Variants in SH3BGRL2 observed in about 807,000 individuals in gnomAD.
SH3BGRL2 encodes SH3 domain-binding glutamic acid-rich-like protein 2.
A neutral mutation model predicts 14.8 loss-of-function variants in SH3BGRL2; 21 were observed. The ratio of observed to expected loss-of-function variants is 1.42; its 90% CI spans 1.01 to 2.05. The LOEUF is 2.05. SH3BGRL2 is among the 30% of genes most tolerant of loss of function. SH3BGRL2 has a pLI of 0.00. For missense variants in SH3BGRL2, 147 were observed against 130.8 expected, an observed-to-expected ratio of 1.12 and a Z score of -0.61; for synonymous variants, 50 against 47.8, an observed-to-expected ratio of 1.05 and a Z score of -0.19.
At chr6:79,608,191 A>T in the SH3BGRL2 span, among the ~76,000 whole-genome samples, 1 of 152,162 alleles carries the variant, frequency 6.6e-6, no homozygotes, top group African/African-American at 2.4e-5. Context: ...CCCATGATCC[A>T]ATCACCTCCT....
Position 79,671,806 on chromosome 6 carries a change from G to A in SH3BGRL2, c.46-1808G>A, listed in dbSNP as rs558602181. 2.6e-5 allele frequency among the ~76,000 whole-genome samples: 4 copies of A among 152,292 alleles called. No individual in the cohort carries two copies. In the South Asian group the frequency reaches 8.3e-4, roughly 32 times the overall value. On this transcript the variant is annotated intron_variant, in intron 1 of 3. Transcript: ENST00000369838. The stretch of plus-strand genomic sequence containing the variant: ...CCCCCGCCACCCTAGGGTGGGTGCT[G>A]TTAGTTCCAGGCCATGTTCACCTCT...
chr6:79,595,285 C>T, the SH3BGRL2 span, among the ~76,000 whole-genome samples: 4 of 149,930 alleles, frequency 2.7e-5, no homozygotes, highest in Non-Finnish European at 5.9e-5. Context: ...AGAGAAACAT[C>T]GTCTTAAAAA....
chr6:79,668,970 G>A (rs960627855), intron 1 of SH3BGRL2, among the ~76,000 whole-genome samples: 1 of 152,170 alleles, frequency 6.6e-6, no homozygotes, highest in Non-Finnish European at 1.5e-5. Context: ...GAGAAATACT[G>A]TCATTTGATC....
intron 1 of SH3BGRL2, among the ~76,000 whole-genome samples, chr6:79,648,189 A>G (rs1005204267): frequency 2.8e-5 from 4 of 141,510 alleles, no homozygotes; most frequent in African/African-American, 7.9e-5. Context: ...TTGGTCTGGC[A>G]TTTTGGGCCC....
chr6:79,614,677 AC>A, the SH3BGRL2 span, among the ~76,000 whole-genome samples: 1 of 152,104 alleles, frequency 6.6e-6, no homozygotes, highest in African/African-American at 2.4e-5. Flanking sequence ...TGAAGCCCTC[AC>A]CCCTAATTGC....
chr6:79,586,164 C>G, the SH3BGRL2 span, among the ~76,000 whole-genome samples: 1 of 150,186 alleles, frequency 6.7e-6, no homozygotes, highest in East Asian at 2.0e-4. Flanking sequence ...CCATTGCACT[C>G]CAGCCTGGGC....
the SH3BGRL2 span, among the ~76,000 whole-genome samples, chr6:79,616,154 T>C: frequency 2.6e-5 from 4 of 152,214 alleles, no homozygotes; most frequent in African/African-American, 9.6e-5. Context: ...TATTTTGTAA[T>C]AATGTGGGCT....
chr6:79,693,175 T>C (rs972719726), intron 2 of SH3BGRL2, among the ~76,000 whole-genome samples: 1 of 152,214 alleles, frequency 6.6e-6, no homozygotes, highest in African/African-American at 2.4e-5. Flanking sequence ...TATTGGCGTA[T>C]AGGAATGCTT....
intron 1 of SH3BGRL2, among the ~76,000 whole-genome samples, chr6:79,655,384 T>A (rs1414159622): frequency 6.7e-6 from 1 of 149,278 alleles, no homozygotes; most frequent in Non-Finnish European, 1.5e-5. Flanking sequence ...AAGCATTACT[T>A]GGGAACTTGT....
intron 2 of SH3BGRL2, among the ~76,000 whole-genome samples, chr6:79,676,633 GTGTGTGTA>G (rs1769888487): frequency 7.7e-6 from 1 of 129,978 alleles, no homozygotes; most frequent in African/African-American, 2.7e-5. Flanking sequence ...GTGTGTGTGT[GTGTGTGTA>G]TATATATATA....
chr6:79,627,869 C>T (rs962179814), upstream of SH3BGRL2, among the ~76,000 whole-genome samples: 3 of 152,046 alleles, frequency 2.0e-5, no homozygotes, highest in Admixed American at 6.6e-5. Context: ...TTGGATCTCC[C>T]CTCACCCCCA....
the SH3BGRL2 span, chr6:79,573,942 T>A: frequency 1.3e-5 from 2 of 152,228 alleles, no homozygotes; most frequent in East Asian, 3.9e-4. Context: ...GTGTATTTCC[T>A]CTTGAATTCT....
In SH3BGRL2 at chr6:79,702,388, C is replaced by T. The variant is rs1335961704; in HGVS notation, c.*2879C>T. ...ACAGCTTTTGTTAAGTGTCAGGCTG[C>T]ACTTTGCTCCATATAATTATTGTTT... is the stretch of plus-strand genomic sequence containing the variant. On this transcript the variant is annotated 3_prime_UTR_variant, in exon 4 of 4. Transcript: ENST00000369838. 6.6e-6 allele frequency: 1 copy of T among 152,576 alleles called. No individual in the cohort carries two copies. Among genetic ancestry groups the T allele is most frequent in the Admixed American group, 6.5e-5 (1 of 15,272 alleles). The allele number at this position is 152,576 out of a possible 1,614,324, so 9.5% of individuals were successfully genotyped here. A position where few individuals can be genotyped will look rare whatever the true frequency, so the allele number is the denominator to read the frequency against.
chr6:79,578,692 A>T, the SH3BGRL2 span, among the ~76,000 whole-genome samples: 1 of 152,222 alleles, frequency 6.6e-6, no homozygotes, highest in African/African-American at 2.4e-5. Flanking sequence ...AGAGATGGGG[A>T]GAAGCCAGAG....
rs530369914 is a variant in SH3BGRL2, at chr6:79,679,630, T to C, written c.231+5831T>C. Among the ~76,000 whole-genome samples, 7 of 152,320 alleles carry C rather than the reference T, an allele frequency of 4.6e-5. No homozygotes were observed. The East Asian group carries it at 1.3e-3, about 29-fold the overall frequency. ...GCTAAATAGTATGGTAGTTCTATTT[T>C]TAATTTTGGGGGGAACAGCCAAACT... is the stretch of plus-strand genomic sequence containing the variant. On this transcript the variant is annotated intron_variant, in intron 2 of 3. Coordinates refer to ENST00000369838, the MANE Select transcript of SH3BGRL2 (RefSeq NM_031469.4).
In SH3BGRL2 at chr6:79,691,969, C is replaced by A. The variant is rs1399067889; in HGVS notation, c.232-4516C>A. On this transcript the variant is annotated intron_variant, in intron 2 of 3. Coordinates refer to ENST00000369838, the MANE Select transcript of SH3BGRL2 (RefSeq NM_031469.4). The stretch of plus-strand genomic sequence containing the variant: ...ATGGTTGAACTAGTTTACAGTCCCA[C>A]CAACAGTGTAAAAGTGTTCCTATTT... Among the ~76,000 whole-genome samples the A allele has an allele frequency of 2.2e-3, 341 of 152,068 alleles. 1 individual carries two copies. The highest frequency in any genetic ancestry group is 7.9e-3 in the African/African-American group (328 of 41,502).
At chr6:79,611,012 T>TA in the SH3BGRL2 span, among the ~76,000 whole-genome samples, 3 of 152,240 alleles carry the variant, frequency 2.0e-5, no homozygotes, top group South Asian at 6.2e-4. Context: ...TTCCCACATG[T>TA]AAAAGTAAGA....
intron 1 of SH3BGRL2, among the ~76,000 whole-genome samples, chr6:79,658,904 A>C (rs577945125): frequency 8.5e-5 from 13 of 152,072 alleles, no homozygotes; most frequent in Non-Finnish European, 1.3e-4. Flanking sequence ...GATGAGGAGC[A>C]TTTTTTCATG....
chr6:79,561,342 A>C, the SH3BGRL2 span: 1 of 152,134 alleles, frequency 6.6e-6, no homozygotes, highest in Non-Finnish European at 1.5e-5. Context: ...TGGTGGGAGA[A>C]GGTGTATTTT....
Sources: gnomAD v4.1 joint callset for allele counts (sites outside exome capture counted in the v4.1 genomes callset) on GRCh38, gnomAD v4.1.1 for gene constraint, MANE v1.5 for transcripts, NCBI Gene and HGNC (gene_info 2026-07-23, HGNC 2026-07-21) for gene names.